SAMD12: variants seen among roughly 807,000 people sequenced by gnomAD.
SAMD12 encodes the protein sterile alpha motif domain containing 12.
Under a neutral mutation model 15.0 loss-of-function variants are expected in SAMD12, and 9 were observed. The ratio of observed to expected loss-of-function variants is 0.60; its 90% confidence interval spans 0.36 to 1.05. SAMD12 has a LOEUF of 1.05. Ranked by LOEUF, SAMD12 falls within the 50% of genes least tolerant of loss-of-function variation. The pLI is 0.01. For missense variants in SAMD12, 230 were observed against 234.2 expected (o/e 0.98, Z 0.12); for synonymous variants, 86 against 90.1 (o/e 0.96, Z 0.25).
intron 4 of SAMD12, among the ~76,000 whole-genome samples, chr8:118,205,696 GTTA>G (rs1819843106): frequency 6.6e-6 from 1 of 152,148 alleles, no homozygotes; most frequent in Non-Finnish European, 1.5e-5. Context: ...ACCCCTTGGT[GTTA>G]TTGTTTCTAT....
the SAMD12 span, among the ~76,000 whole-genome samples, chr8:118,133,126 T>C: frequency 3.3e-5 from 5 of 150,308 alleles, no homozygotes; most frequent in South Asian, 6.3e-4. Context: ...AAAATTGGCA[T>C]TTCACTATTA....
chr8:118,520,318 C>T (rs1248226364), intron 2 of SAMD12, among the ~76,000 whole-genome samples: 2 of 152,126 alleles, frequency 1.3e-5, no homozygotes, highest in Admixed American at 6.5e-5. Flanking sequence ...CCTACCTGAA[C>T]ATTCTAACAT....
intron 2 of SAMD12, among the ~76,000 whole-genome samples, chr8:118,469,157 C>A (rs951058862): frequency 6.6e-6 from 1 of 152,004 alleles, no homozygotes; most frequent in Non-Finnish European, 1.5e-5. Flanking sequence ...ACTACCCATG[C>A]CATTCAGATG....
At chr8:118,179,330 A>G in the SAMD12 span, among the ~76,000 whole-genome samples, 4 of 151,550 alleles carry the variant, frequency 2.6e-5, no homozygotes, top group Non-Finnish European at 5.9e-5. Flanking sequence ...CCAGCTACTC[A>G]GGAGTCTGTG....
chr8:118,537,971 G>C (rs926443813), intron 2 of SAMD12, among the ~76,000 whole-genome samples: 1 of 152,138 alleles, frequency 6.6e-6, no homozygotes, highest in Non-Finnish European at 1.5e-5. Flanking sequence ...GGGGACTTAG[G>C]TGTTGTGATC....
intron 2 of SAMD12, among the ~76,000 whole-genome samples, chr8:118,468,240 T>C (rs951283752): frequency 6.6e-6 from 1 of 152,126 alleles, no homozygotes; most frequent in African/African-American, 2.4e-5. Flanking sequence ...GGCCAAAAAG[T>C]GTATCATCAT....
rs77474921 is a variant in SAMD12, at chr8:118,285,529, C to T, written c.434-87797G>A. 2.4e-4 allele frequency among the ~76,000 whole-genome samples: 36 copies of T among 152,324 alleles called. 1 individual carries two copies. The East Asian group carries it at 6.9e-3, about 29-fold the overall frequency. On this transcript the variant is annotated intron_variant, in intron 4 of 4. Coordinates refer to the SAMD12 transcript ENST00000409003. The stretch of plus-strand genomic sequence containing the variant: ...CTTCCCTAAAATGACCTCTTTCCCA[C>T]CCCACTGCCATCCCTTCAATGAACG...
intron 4 of SAMD12, among the ~76,000 whole-genome samples, chr8:118,338,761 C>G (rs550986710): frequency 6.6e-6 from 1 of 152,164 alleles, no homozygotes; most frequent in Non-Finnish European, 1.5e-5. Context: ...GAACACAGCC[C>G]TGTTGCTTGG....
chr8:118,225,403 G>A (rs1300048704), intron 4 of SAMD12, among the ~76,000 whole-genome samples: 4 of 152,166 alleles, frequency 2.6e-5, no homozygotes, highest in Non-Finnish European at 5.9e-5. Context: ...TGCAGAGGAC[G>A]TGGCCTCACT....
At chr8:118,336,767 G>A (rs1817095273) in intron 4 of SAMD12, among the ~76,000 whole-genome samples, 1 of 152,168 alleles carries the variant, frequency 6.6e-6, no homozygotes, top group South Asian at 2.1e-4. Context: ...CAACTCAAAT[G>A]TCCATCAATG....
intron 2 of SAMD12, among the ~76,000 whole-genome samples, chr8:118,448,789 G>A (rs568524052): frequency 3.9e-5 from 6 of 152,228 alleles, no homozygotes; most frequent in Non-Finnish European, 8.8e-5. Context: ...GACCTGGGTT[G>A]AAGGCTCTGG....
At chr8:118,383,049 A>C (rs907691787) in intron 3 of SAMD12, among the ~76,000 whole-genome samples, 2 of 152,226 alleles carry the variant, frequency 1.3e-5, no homozygotes, top group African/African-American at 4.8e-5. Context: ...ATGAACGAAC[A>C]TCCAAATAAG....
intron 4 of SAMD12, among the ~76,000 whole-genome samples, chr8:118,348,520 T>C (rs571201073): frequency 2.2e-3 from 341 of 152,096 alleles, no homozygotes; most frequent in Admixed American, 4.9e-3. Context: ...TACAGGCGCC[T>C]GCCACCACGC....
chr8:118,448,605 T>A (rs947409566), intron 2 of SAMD12, among the ~76,000 whole-genome samples: 1 of 152,230 alleles, frequency 6.6e-6, no homozygotes, highest in Admixed American at 6.5e-5. Context: ...AGGTTGGGAC[T>A]AAAACAGCCT....
intron 4 of SAMD12, among the ~76,000 whole-genome samples, chr8:118,299,863 T>C (rs934489936): frequency 6.6e-6 from 1 of 152,054 alleles, no homozygotes; most frequent in Non-Finnish European, 1.5e-5. Flanking sequence ...TAGTGAATGG[T>C]AGATTGATTC....
intron 4 of SAMD12, among the ~76,000 whole-genome samples, chr8:118,319,979 G>A (rs560965183): frequency 1.1e-4 from 17 of 152,256 alleles, no homozygotes; most frequent in African/African-American, 4.1e-4. Flanking sequence ...AGTAGGTGTG[G>A]TTTACCAAGG....
chr8:118,322,119 G>A (rs1241506529), intron 4 of SAMD12, among the ~76,000 whole-genome samples: 1 of 151,382 alleles, frequency 6.6e-6, no homozygotes. Flanking sequence ...TCTGAAATAG[G>A]CCTCCCACAA....
At chr8:118,194,185 C>T (rs1794375168) in exon 5 of SAMD12, 1 of 152,096 alleles carries the variant, frequency 6.6e-6, no homozygotes, top group East Asian at 1.9e-4. Flanking sequence ...CGCCTTTTCT[C>T]CTTGAATGTT....
the SAMD12 span, among the ~76,000 whole-genome samples, chr8:118,147,942 C>G: frequency 3.1e-4 from 47 of 150,734 alleles, no homozygotes; most frequent in East Asian, 6.5e-3. Context: ...AGAGATAGAG[C>G]CTTTTTTTTT....
Sources: gnomAD v4.1 joint callset for allele counts (sites outside exome capture counted in the v4.1 genomes callset) on GRCh38, gnomAD v4.1.1 for gene constraint, MANE v1.5 for transcripts, NCBI Gene and HGNC (gene_info 2026-07-23, HGNC 2026-07-21) for gene names.